Variants in SLIT3 observed in about 807,000 individuals in gnomAD.
The protein encoded by SLIT3 is slit guidance ligand 3, also known as slit homolog 3 protein.
Under a neutral mutation model 184.0 loss-of-function variants are expected in SLIT3, and 68 were observed. The ratio of observed to expected loss-of-function variants is 0.37; its 90% CI spans 0.30 to 0.45. SLIT3 has a LOEUF of 0.45. Ranked by LOEUF, SLIT3 falls within the 20% of genes least tolerant of loss-of-function variation. The pLI is 1.00. For synonymous variants in SLIT3, 831 were observed against 828.6 expected, an observed-to-expected ratio of 1.00 and a Z score of -0.05; for missense variants, 1,707 against 2,026.0, an observed-to-expected ratio of 0.84 and a Z score of 3.02.
chr5:169,181,303 G>A (rs756968027), intron 4 of SLIT3, among the ~76,000 whole-genome samples: 11 of 152,288 alleles, frequency 7.2e-5, no homozygotes, highest in African/African-American at 1.4e-4. Flanking sequence ...TGCGTGGTAC[G>A]TTAGGTGTAT....
At chr5:169,167,805 A>C (rs297822) in intron 4 of SLIT3, among the ~76,000 whole-genome samples, 120,463 of 152,024 alleles carry the variant, frequency 0.79, 47,990 homozygotes, top group East Asian at 0.89. Flanking sequence ...CCACCCAGCA[A>C]CCCCTCACTG....
At chr5:168,985,617 C>A (rs2113369359) in intron 4 of SLIT3, among the ~76,000 whole-genome samples, 1 of 152,266 alleles carries the variant, frequency 6.6e-6, no homozygotes, top group Admixed American at 6.5e-5. Flanking sequence ...AGCATGTGGT[C>A]TGGGCTAAGG....
chr5:169,269,064 C>T (rs1352150866), intron 1 of SLIT3, among the ~76,000 whole-genome samples: 1 of 152,200 alleles, frequency 6.6e-6, no homozygotes, highest in Non-Finnish European at 1.5e-5. Context: ...TTCTGGAGGA[C>T]AGGCCTGGAT....
intron 8 of SLIT3, among the ~76,000 whole-genome samples, chr5:168,812,866 T>C (rs938339870): frequency 6.6e-6 from 1 of 151,720 alleles, no homozygotes. Context: ...ATTATCTTTG[T>C]ACTTAGTAAC....
intron 4 of SLIT3, among the ~76,000 whole-genome samples, chr5:168,967,479 G>A (rs1417657083): frequency 2.6e-4 from 3 of 11,508 alleles, no homozygotes; most frequent in East Asian, 7.9e-3. Context: ...TCGCTCTGTC[G>A]CCCAGGCTGG....
At chr5:168,823,146 G>A in intron 7 of SLIT3, 114 bp downstream of exon 7, 3 of 871,920 alleles carry the variant, frequency 3.4e-6, no homozygotes, top group Non-Finnish European at 5.9e-6. Context: ...GAATTTGAAT[G>A]TCGGAACCAT....
intron 3 of SLIT3, among the ~76,000 whole-genome samples, chr5:169,234,238 T>C (rs570852302): frequency 1.3e-5 from 2 of 152,184 alleles, no homozygotes; most frequent in Non-Finnish European, 2.9e-5. Context: ...TTAGCCAACA[T>C]AGGGAAAGAG....
chr5:168,909,566 T>C (rs1488574126), intron 4 of SLIT3, among the ~76,000 whole-genome samples: 3 of 152,206 alleles, frequency 2.0e-5, no homozygotes, highest in African/African-American at 4.8e-5. Flanking sequence ...TTTCTTATCG[T>C]AGAGAAATAA....
intron 4 of SLIT3, among the ~76,000 whole-genome samples, chr5:168,898,349 C>A (rs187046130): frequency 1.3e-5 from 2 of 151,390 alleles, no homozygotes; most frequent in Non-Finnish European, 2.9e-5. Flanking sequence ...AGTGGTCCCC[C>A]GGGATGTCAG....
chr5:169,240,294 C>A (rs1765351592), intron 3 of SLIT3, among the ~76,000 whole-genome samples: 1 of 151,612 alleles, frequency 6.6e-6, no homozygotes, highest in Non-Finnish European at 1.5e-5. Context: ...TATATTTTTA[C>A]CAAGAATTGT....
chr5:168,879,939 T>G (rs944627769), intron 5 of SLIT3, among the ~76,000 whole-genome samples: 1 of 152,202 alleles, frequency 6.6e-6, no homozygotes, highest in Non-Finnish European at 1.5e-5. Flanking sequence ...TAGAAGGCAC[T>G]CAAAAAATAG....
At chr5:168,675,221 A>G (rs907549663) in intron 32 of SLIT3, among the ~76,000 whole-genome samples, 2 of 152,086 alleles carry the variant, frequency 1.3e-5, no homozygotes, top group Admixed American at 1.3e-4. Context: ...ATACATATGG[A>G]GGCTTCCTCT....
At chr5:168,754,775 AG>A (rs913139617) in intron 16 of SLIT3, among the ~76,000 whole-genome samples, 3 of 152,188 alleles carry the variant, frequency 2.0e-5, no homozygotes, top group African/African-American at 7.2e-5. Flanking sequence ...TTAAAAAAAC[AG>A]GCTGGATGGG....
chr5:168,986,384 C>T lies in SLIT3; in HGVS notation c.414-103048G>A, dbSNP rs527796846. ...GGGAAAGGAAATATTTGGACGGTGG[C>T]GCCCTTCTTACATGGCCTCCATAGC... On this transcript the variant is annotated intron_variant, in intron 4 of 35. Transcript: ENST00000519560. Among the ~76,000 whole-genome samples the T allele has an allele frequency of 1.1e-4, 16 of 145,064 alleles. No individual in the cohort carries two copies. In the South Asian group the frequency reaches 3.2e-3, roughly 29 times the overall value.
intron 4 of SLIT3, among the ~76,000 whole-genome samples, chr5:168,958,958 A>C (rs2113274857): frequency 1.3e-5 from 2 of 152,356 alleles, no homozygotes; most frequent in Middle Eastern, 6.8e-3. Flanking sequence ...TGTGTGCTAC[A>C]GGGGGCTCCC....
chr5:168,993,008 G>T (rs376305763), intron 4 of SLIT3: 1 of 152,200 alleles, frequency 6.6e-6, no homozygotes, highest in Non-Finnish European at 1.5e-5. Context: ...GTGACGCGGC[G>T]CAAGATTTAC....
At chr5:169,129,247 A>G (rs531519014) in intron 4 of SLIT3, among the ~76,000 whole-genome samples, 2 of 152,236 alleles carry the variant, frequency 1.3e-5, no homozygotes, top group African/African-American at 4.8e-5. Flanking sequence ...CTCTTAAGAG[A>G]TACTTATATT....
At chr5:169,285,131 G>A (rs1318517426) in intron 1 of SLIT3, among the ~76,000 whole-genome samples, 1 of 151,932 alleles carries the variant, frequency 6.6e-6, no homozygotes, top group Non-Finnish European at 1.5e-5. Flanking sequence ...AGCTCAGGTA[G>A]GTGTCAAACT....
At chr5:168,838,934 C>G (rs965426326) in intron 6 of SLIT3, among the ~76,000 whole-genome samples, 2 of 152,104 alleles carry the variant, frequency 1.3e-5, no homozygotes, top group African/African-American at 4.8e-5. Context: ...ACCAGTTGAT[C>G]CAGGGGCCTG....
Sources: gnomAD v4.1 joint callset for allele counts (sites outside exome capture counted in the v4.1 genomes callset) on GRCh38, gnomAD v4.1.1 for gene constraint, MANE v1.5 for transcripts, NCBI Gene and HGNC (gene_info 2026-07-23, HGNC 2026-07-21) for gene names.